ILDR1: variants seen among roughly 807,000 people sequenced by gnomAD.
ILDR1 encodes the protein immunoglobulin like domain containing receptor 1.
Under a neutral mutation model 62.4 loss-of-function variants are expected in ILDR1, and 56 were observed. That is an observed-to-expected ratio of 0.90 (90% CI 0.72 to 1.12). The LOEUF is 1.12. Among genes scored for constraint, ILDR1 ranks in the 50% most tolerant of loss-of-function variants. The pLI, the probability that ILDR1 is intolerant of heterozygous loss-of-function variation, is 0.00. For synonymous variants in ILDR1, 284 were observed against 277.8 expected, an observed-to-expected ratio of 1.02 and a Z score of -0.22; for missense variants, 736 against 710.6, an observed-to-expected ratio of 1.04 and a Z score of -0.41.
intron 1 of ILDR1, among the ~76,000 whole-genome samples, chr3:122,013,014 G>A (rs1246340303): frequency 6.6e-6 from 1 of 152,196 alleles, no homozygotes; most frequent in African/African-American, 2.4e-5. Flanking sequence ...GGGAAGGAGA[G>A]AAGGGGAAGG....
chr3:121,994,435 T>G (rs910686191), intron 5 of ILDR1, 122 bp from the exon 6 acceptor site: 1 of 1,185,044 alleles, frequency 8.4e-7, no homozygotes, highest in Non-Finnish European at 1.1e-6. Flanking sequence ...TCTCACCTAT[T>G]TTGCATGGGA....
chr3:122,013,564 C>G (rs922816219), intron 1 of ILDR1, among the ~76,000 whole-genome samples: 1 of 152,032 alleles, frequency 6.6e-6, no homozygotes, highest in African/African-American at 2.4e-5. Flanking sequence ...GCATATTTAC[C>G]ATCAGTGCCT....
the ILDR1 span, among the ~76,000 whole-genome samples, chr3:122,057,318 T>C: frequency 1.3e-5 from 2 of 152,220 alleles, no homozygotes; most frequent in African/African-American, 4.8e-5. Context: ...CTTGCTATTG[T>C]TTCTAATAAG....
chr3:122,035,912 G>A, the ILDR1 span, among the ~76,000 whole-genome samples: 2 of 152,236 alleles, frequency 1.3e-5, no homozygotes, highest in East Asian at 3.8e-4. Flanking sequence ...GCAGAGGTTG[G>A]AACAGTTTGG....
At chr3:122,044,864 A>G in the ILDR1 span, among the ~76,000 whole-genome samples, 616 of 151,630 alleles carry the variant, frequency 4.1e-3, 2 homozygotes, top group Admixed American at 9.1e-3. Context: ...CTTTCAAAAA[A>G]CCAGCTCCTG....
the ILDR1 span, among the ~76,000 whole-genome samples, chr3:122,047,659 T>C: frequency 4.6e-5 from 7 of 152,182 alleles, no homozygotes; most frequent in African/African-American, 1.7e-4. Context: ...AATATTCGGG[T>C]GGGAGTGACC....
chr3:121,996,746 T>G (rs1030779334), intron 5 of ILDR1, among the ~76,000 whole-genome samples: 1 of 152,118 alleles, frequency 6.6e-6, no homozygotes, highest in Non-Finnish European at 1.5e-5. Flanking sequence ...GCAAGAAAAT[T>G]TGTATTTTCA....
At chr3:122,053,640 G>T in the ILDR1 span, among the ~76,000 whole-genome samples, 1 of 152,246 alleles carries the variant, frequency 6.6e-6, no homozygotes, top group South Asian at 2.1e-4. Flanking sequence ...TCAGCCTCCT[G>T]AGTAGCCAGG....
At chr3:122,037,144 G>A in the ILDR1 span, among the ~76,000 whole-genome samples, 1 of 152,270 alleles carries the variant, frequency 6.6e-6, no homozygotes, top group Non-Finnish European at 1.5e-5. Context: ...TTAGGGCAGT[G>A]CAGAGGGGAA....
chr3:122,012,542 G>T (rs2071719580), intron 1 of ILDR1, among the ~76,000 whole-genome samples: 1 of 152,140 alleles, frequency 6.6e-6, no homozygotes, highest in Non-Finnish European at 1.5e-5. Context: ...TAGTTGCTGG[G>T]GGTCAGAAAA....
At position 122,019,898 on chromosome 3, in the gene ILDR1, G is replaced by A. The variant is rs532324364; in HGVS notation, c.58+2122C>T. The stretch of plus-strand genomic sequence containing the variant: ...CCAAAGTGCATATCACAGTTGCAGC[G>A]TGTCATTGACACTGTGCTTGACCTT... On this transcript the variant is annotated intron_variant, in intron 1 of 7. Coordinates refer to ENST00000344209, the MANE Select transcript of ILDR1 (RefSeq NM_001199799.2). Among the ~76,000 whole-genome samples, 4 of 152,316 alleles carry A rather than the reference G, an allele frequency of 2.6e-5. No individual in the cohort carries two copies. In the South Asian group the frequency reaches 6.2e-4, roughly 24 times the overall value.
chr3:122,016,261 C>A (rs1321347519), intron 1 of ILDR1, among the ~76,000 whole-genome samples: 3 of 152,244 alleles, frequency 2.0e-5, no homozygotes, highest in Admixed American at 2.0e-4. Flanking sequence ...AATCCATCTA[C>A]TAAGTGCTCT....
the ILDR1 span, among the ~76,000 whole-genome samples, chr3:122,054,646 C>T: frequency 2.0e-5 from 3 of 151,872 alleles, no homozygotes; most frequent in Admixed American, 6.6e-5. Flanking sequence ...GGATGAGAAT[C>T]GATTTTCATA....
chr3:122,028,943 G>A, the ILDR1 span, among the ~76,000 whole-genome samples: 1 of 152,176 alleles, frequency 6.6e-6, no homozygotes, highest in Non-Finnish European at 1.5e-5. Context: ...CCTGTGCAAG[G>A]ATGTTCATTG....
At chr3:122,018,401 G>C (rs7640335) in intron 1 of ILDR1, among the ~76,000 whole-genome samples, 26,948 of 136,738 alleles carry the variant, frequency 0.2, 2,778 homozygotes, top group South Asian at 0.28. Flanking sequence ...GGGTGGGGGG[G>C]GGGTAGGGGA....
At chr3:122,055,662 A>C in the ILDR1 span, among the ~76,000 whole-genome samples, 3 of 152,338 alleles carry the variant, frequency 2.0e-5, no homozygotes, top group South Asian at 6.2e-4. Flanking sequence ...AAAGGCAAGA[A>C]TTATTTGCAA....
chr3:122,045,403 G>T, the ILDR1 span, among the ~76,000 whole-genome samples: 5,975 of 152,042 alleles, frequency 0.039, 168 homozygotes, highest in Middle Eastern at 0.085. Context: ...TGTTGATTTG[G>T]GGTGGAGAGT....
chr3:121,998,559 G>A (rs905897191), intron 5 of ILDR1, among the ~76,000 whole-genome samples: 6 of 152,212 alleles, frequency 3.9e-5, no homozygotes, highest in African/African-American at 1.4e-4. Flanking sequence ...CAACTCTCCC[G>A]CAGAACCTCC....
At chr3:122,011,837 G>A (rs1246935954) in intron 1 of ILDR1, among the ~76,000 whole-genome samples, 1 of 151,974 alleles carries the variant, frequency 6.6e-6, no homozygotes, top group Admixed American at 6.6e-5. Flanking sequence ...AACCCCCTCA[G>A]CTAGGCAACA....
Sources: allele counts gnomAD v4.1 joint callset (sites outside exome capture counted in the v4.1 genomes callset), GRCh38; gene constraint gnomAD v4.1.1; transcripts MANE v1.5; gene names NCBI Gene and HGNC (gene_info 2026-07-23, HGNC 2026-07-21).